Variants in LPAR5 observed in about 807,000 individuals in gnomAD.
LPAR5 encodes lysophosphatidic acid receptor 5.
For missense variants in LPAR5, 544 were observed against 521.8 expected, an observed-to-expected ratio of 1.04 and a Z score of -0.41; for synonymous variants, 271 against 261.6, an observed-to-expected ratio of 1.04 and a Z score of -0.35.
Position 6,620,463 on chromosome 12 carries a change from G to A in LPAR5, c.786C>T (p.Ser262=), listed in dbSNP as rs775345082. Residue 262 remains serine (S), a synonymous_variant, in exon 2 of 2, where the codon AGC becomes AGT. Coordinates refer to ENST00000329858, the MANE Select transcript of LPAR5 (RefSeq NM_020400.6). This position sits in a 1 kb window ranked among gnomAD's most constrained non-coding sequence, Gnocchi z 6.8. ...CAGGCACGCTGGCCGCCACCAGCTT[G>A]CTCCGCAGCAGCCCGTAGACCGCCA... is the stretch of plus-strand genomic sequence containing the variant. ...STLAVYGLLR[S]KLVAASVPAR... 1.3e-6 allele frequency: 2 copies of A among 1,591,662 alleles called. No homozygotes were observed. The highest frequency in any genetic ancestry group is 2.7e-5 in the African/African-American group (2 of 74,644).
chr12:6,635,130 G>T (rs113877011), intron 1 of LPAR5, among the ~76,000 whole-genome samples: 124 of 152,058 alleles, frequency 8.2e-4, no homozygotes, highest in Middle Eastern at 3.4e-3. Context: ...AGAAAAAAAG[G>T]AGTAGTTCTG....
rs1193610885 is a variant in LPAR5, at chr12:6,621,170, C to T, written c.79G>A (p.Val27Met). The change falls in exon 2 of 2, where the codon GTG becomes ATG. Residue 27 changes from valine (V) to methionine (M), a missense_variant. Coordinates refer to ENST00000329858, the MANE Select transcript of LPAR5 (RefSeq NM_020400.6). ...GCAGCCAGCACCAAGCTGTAGACCA[C>T]CAAGTGCAGGCGGTGGGTAGGTCGG... ...DYRPTHRLHL[V>M]VYSLVLAAGL... 3.8e-6 allele frequency: 6 copies of T among 1,580,858 alleles called. No homozygotes were observed. The South Asian group carries it at 5.8e-5, about 15-fold the overall frequency.
chr12:6,627,679 T>C (rs77883650), intron 1 of LPAR5, among the ~76,000 whole-genome samples: 2,632 of 152,296 alleles, frequency 0.017, 95 homozygotes, highest in African/African-American at 0.06. Flanking sequence ...AATCGTTTTA[T>C]GTATATTTGT....
chr12:6,625,120 A>AT, intron 1 of LPAR5, among the ~76,000 whole-genome samples: 1 of 152,156 alleles, frequency 6.6e-6, no homozygotes, highest in South Asian at 2.1e-4. Flanking sequence ...CACCGAGCTT[A>AT]TTACTTTCAA....
chr12:6,628,177 T>A (rs1471029715), intron 1 of LPAR5, among the ~76,000 whole-genome samples: 4 of 149,542 alleles, frequency 2.7e-5, no homozygotes, highest in Admixed American at 2.0e-4. Flanking sequence ...ACCTGCCACC[T>A]CACCCGGCTA....
intron 1 of LPAR5, among the ~76,000 whole-genome samples, chr12:6,627,818 C>A (rs1266477675): frequency 2.0e-5 from 3 of 151,564 alleles, no homozygotes; most frequent in African/African-American, 7.3e-5. Flanking sequence ...ACCCTCCCCA[C>A]CTCCTACACC....
rs1948879223 is a variant in LPAR5, at chr12:6,620,333, T to TG, written c.915dup (p.Asn306GlnfsTer136). 4.3e-6 allele frequency: 7 copies of TG among 1,610,376 alleles called. No individual in the cohort carries two copies. In the East Asian group the frequency reaches 1.6e-4, roughly 36 times the overall value. On this transcript the variant is annotated frameshift_variant, in exon 2 of 2. Coordinates refer to ENST00000329858, the MANE Select transcript of LPAR5 (RefSeq NM_020400.6). LOFTEE classifies it low-confidence loss of function (END_TRUNC). This position sits in a 1 kb window ranked among gnomAD's most constrained non-coding sequence, Gnocchi z 6.8. ...GGAGTGCCCAGGCCGCGCAGGGTGTTGCGGAAGCCCTCGGCGCTAAAGTAG... is the reference window on the plus strand; with the variant it reads ...GGAGTGCCCAGGCCGCGCAGGGTGTTGGCGGAAGCCCTCGGCGCTAAAGTAG...
chr12:6,620,367 C>A lies in LPAR5; in HGVS notation c.882G>T (p.Pro294=), dbSNP rs763252050. 1.2e-4 allele frequency: 189 copies of A among 1,611,514 alleles called. 1 individual carries two copies. In the South Asian group the frequency reaches 1.9e-3, roughly 16 times the overall value. Residue 294 remains proline (P), a synonymous_variant, in exon 2 of 2, where the codon CCG becomes CCT. Transcript: ENST00000329858. The surrounding 1 kb of genome is among the most constrained non-coding windows in gnomAD (Gnocchi z 6.8). ...LLAGANCVLD[P]LVYYFSAEGF... ...CCTCGGCGCTAAAGTAGTACACCAG[C>A]GGGTCCAGCACGCAGTTGGCGCCGG...
At chr12:6,631,767 G>A (rs892330769) in intron 1 of LPAR5, 2 of 152,206 alleles carry the variant, frequency 1.3e-5, no homozygotes, top group Admixed American at 1.3e-4. Context: ...CACACACCCT[G>A]CCCTGGTATC....
intron 1 of LPAR5, among the ~76,000 whole-genome samples, chr12:6,631,165 A>G (rs933605825): frequency 2.0e-5 from 3 of 152,204 alleles, no homozygotes; most frequent in Admixed American, 6.5e-5. Flanking sequence ...GTCGGCACAC[A>G]CTGATGTCAG....
intron 1 of LPAR5, among the ~76,000 whole-genome samples, chr12:6,626,849 T>G (rs1168212303): frequency 1.3e-5 from 2 of 152,318 alleles, no homozygotes; most frequent in East Asian, 3.9e-4. Flanking sequence ...TCCGCAACAG[T>G]GCGCAGGTTT....
chr12:6,630,280 ACCTG>A (rs1948972885), intron 1 of LPAR5, among the ~76,000 whole-genome samples: 1 of 150,440 alleles, frequency 6.6e-6, no homozygotes, highest in Non-Finnish European at 1.5e-5. Flanking sequence ...GCACCACCAC[ACCTG>A]CCTAATTTTT....
chr12:6,621,886 G>A (rs1233616310), intron 1 of LPAR5, among the ~76,000 whole-genome samples: 1 of 152,106 alleles, frequency 6.6e-6, no homozygotes, highest in Non-Finnish European at 1.5e-5. Context: ...CCAGCATTTT[G>A]GGAGGCCGAG....
Position 6,620,943 on chromosome 12 carries a change from C to T in LPAR5, c.306G>A (p.Gln102=), listed in dbSNP as rs1459479801. 1 of 1,611,012 alleles carries T rather than the reference C, an allele frequency of 6.2e-7. No homozygotes were observed. ...AGATGCAGCTGCCGTACATGTTCAT[C>T]TGGAAGATGGCGCCCGTCGTCTGGC... is the stretch of plus-strand genomic sequence containing the variant. ...LLCQTTGAIF[Q]MNMYGSCIFL... Residue 102 remains glutamine (Q), a synonymous_variant, in exon 2 of 2, where the codon CAG becomes CAA. Coordinates refer to ENST00000329858, the MANE Select transcript of LPAR5 (RefSeq NM_020400.6). This position sits in a 1 kb window ranked among gnomAD's most constrained non-coding sequence, Gnocchi z 6.8.
chr12:6,619,689 G>A lies in LPAR5; in HGVS notation c.*441C>T, dbSNP rs78701943. On this transcript the variant is annotated 3_prime_UTR_variant, in exon 2 of 2. Transcript: ENST00000329858. ...AAAGGGGGTGGCATCCATGAGCCTA[G>A]ACAGAAGTCAGCAGATGAACAGGCA... 2 of 351,638 alleles carry A rather than the reference G, an allele frequency of 5.7e-6. No homozygotes were observed. Among genetic ancestry groups the A allele is most frequent in the East Asian group, 7.4e-5 (1 of 13,494 alleles). 21.8% of individuals were successfully genotyped at this position (351,638 alleles called of 1,614,324 possible). A position where few individuals can be genotyped will look rare whatever the true frequency, so the allele number is the denominator to read the frequency against.
In LPAR5 at chr12:6,618,894, C is replaced by G. The variant is rs1948860701; in HGVS notation, c.*1236G>C. On this transcript the variant is annotated 3_prime_UTR_variant, in exon 2 of 2. Coordinates refer to ENST00000329858, the MANE Select transcript of LPAR5 (RefSeq NM_020400.6). ...CCTCTCCCCACAGTAATAAAAAGCA[C>G]TGTACATAATGCCCTGGGAAGAAGT... 6.6e-6 allele frequency: 1 copy of G among 152,216 alleles called. No individual in the cohort carries two copies. The highest frequency in any genetic ancestry group is 6.5e-5 in the Admixed American group (1 of 15,274). The allele number at this position is 152,216 out of a possible 1,614,324, so 9.4% of individuals were successfully genotyped here.
chr12:6,634,099 G>A (rs1324521244), intron 1 of LPAR5, among the ~76,000 whole-genome samples: 7 of 151,926 alleles, frequency 4.6e-5, no homozygotes, highest in South Asian at 2.1e-4. Flanking sequence ...TCCGCCTCCC[G>A]GGTTCAAGGG....
Position 6,621,094 on chromosome 12 carries a change from C to T in LPAR5, c.155G>A (p.Arg52His). Reference sequence around the variant, plus strand: ...GTACACGCTCACCACCGAGTGCACGCGCAGCGCGCGCAGGAAGACCCAGAG... The same window carrying T: ...GTACACGCTCACCACCGAGTGCACGTGCAGCGCGCGCAGGAAGACCCAGAG... ...LALWVFLRALRVHSVVSVYMC... is the reference protein window; with the variant it reads ...LALWVFLRALHVHSVVSVYMC... The change falls in exon 2 of 2, where the codon CGC becomes CAC. Residue 52 changes from arginine to histidine, a missense_variant. By Grantham distance (29) the Arg-to-His change is conservative. Transcript: ENST00000329858. The T allele has an allele frequency of 6.2e-7, 1 of 1,601,722 alleles. No homozygotes were observed. The highest frequency in any genetic ancestry group is 8.5e-7 in the Non-Finnish European group (1 of 1,173,060).
At chr12:6,633,466 A>G (rs374186367) in intron 1 of LPAR5, among the ~76,000 whole-genome samples, 20 of 150,942 alleles carry the variant, frequency 1.3e-4, no homozygotes, top group South Asian at 4.2e-4. Flanking sequence ...AGGCTGGAGT[A>G]CAGTGGTGCA....
Sources: allele counts gnomAD v4.1 joint callset (sites outside exome capture counted in the v4.1 genomes callset), GRCh38; gene constraint gnomAD v4.1.1; non-coding constraint Gnocchi (gnomAD v3.1); transcripts MANE v1.5; gene names NCBI Gene and HGNC (gene_info 2026-07-23, HGNC 2026-07-21).